ZBTB16: variants seen among roughly 807,000 people sequenced by gnomAD.
The protein encoded by ZBTB16 is zinc finger and BTB domain-containing protein 16.
ZBTB16 carries 8 observed loss-of-function variants against 56.8 expected under a neutral mutation model. The ratio of observed to expected loss-of-function variants is 0.14; its 90% CI spans 0.08 to 0.25. The LOEUF (loss-of-function observed/expected upper bound fraction) is 0.25, where lower values mean the gene tolerates loss of function less well. Among genes scored for constraint, ZBTB16 ranks in the 10% least tolerant of loss-of-function variants. ZBTB16 has a pLI of 1.00. For missense variants in ZBTB16, 625 were observed against 903.0 expected (o/e 0.69, Z 3.95); for synonymous variants, 363 against 368.5 (o/e 0.98, Z 0.17).
intron 2 of ZBTB16, among the ~76,000 whole-genome samples, chr11:114,126,022 C>T (rs1311104365): frequency 6.6e-6 from 1 of 152,132 alleles, no homozygotes; most frequent in Non-Finnish European, 1.5e-5. Context: ...TTCTGGAGTA[C>T]ATTGGGAAGC....
intron 4 of ZBTB16, among the ~76,000 whole-genome samples, chr11:114,214,727 G>A (rs1342199034): frequency 1.3e-5 from 2 of 152,056 alleles, no homozygotes; most frequent in African/African-American, 2.4e-5. Flanking sequence ...CTTTAGCCTC[G>A]TGAGTAGCTG....
intron 2 of ZBTB16, among the ~76,000 whole-genome samples, chr11:114,104,723 C>T (rs1003669207): frequency 2.6e-5 from 4 of 152,318 alleles, no homozygotes; most frequent in South Asian, 2.1e-4. Flanking sequence ...AAATAGGAAA[C>T]ATCATTGTAG....
chr11:114,213,822 C>A (rs931357123), intron 4 of ZBTB16, among the ~76,000 whole-genome samples: 1 of 152,172 alleles, frequency 6.6e-6, no homozygotes, highest in African/African-American at 2.4e-5. Flanking sequence ...ATGAAACAGG[C>A]ACAGAGGAGT....
rs34864436 is a variant in ZBTB16, at chr11:114,233,125, A to ACT, written c.1454-9030_1454-9029dup. 8.3e-3 allele frequency among the ~76,000 whole-genome samples: 456 copies of ACT among 54,716 alleles called. 13 individuals are homozygous for ACT. The highest frequency in any genetic ancestry group is 0.019 in the African/African-American group (373 of 19,414). 35.9% of individuals were successfully genotyped at this position (54,716 alleles called of 152,430 possible). ...CACACACACACACACACACACACAC[A>ACT]CTCTCTCTCTCTCACACTCCCTTTC... On this transcript the variant is annotated intron_variant, in intron 4 of 6. Coordinates refer to ENST00000335953, the MANE Select transcript of ZBTB16 (RefSeq NM_006006.6).
intron 2 of ZBTB16, among the ~76,000 whole-genome samples, chr11:114,066,471 A>G (rs1220871780): frequency 6.6e-6 from 1 of 152,124 alleles, no homozygotes; most frequent in Admixed American, 6.5e-5. Flanking sequence ...ATCTTTCCGG[A>G]TGTGAATTAT....
intron 5 of ZBTB16, among the ~76,000 whole-genome samples, chr11:114,246,322 A>G (rs1466364711): frequency 2.0e-5 from 3 of 152,208 alleles, no homozygotes; most frequent in Non-Finnish European, 4.4e-5. Flanking sequence ...CTCTAGAGCC[A>G]GACCCAAACC....
intron 2 of ZBTB16, among the ~76,000 whole-genome samples, chr11:114,116,677 G>T (rs186664821): frequency 4.1e-4 from 63 of 152,300 alleles, no homozygotes; most frequent in Non-Finnish European, 7.6e-4. Context: ...TGCGTTCCTA[G>T]CTCTTAATTT....
chr11:114,175,566 C>T (rs1450385790), intron 3 of ZBTB16, among the ~76,000 whole-genome samples: 1 of 152,026 alleles, frequency 6.6e-6, no homozygotes, highest in East Asian at 1.9e-4. Context: ...AATGATTCTC[C>T]TGCCTCAGCC....
chr11:114,150,354 T>A (rs1274467160), intron 2 of ZBTB16, among the ~76,000 whole-genome samples: 2 of 152,136 alleles, frequency 1.3e-5, no homozygotes, highest in Non-Finnish European at 2.9e-5. Context: ...GGAGAGCTAG[T>A]CTGGGCGTGG....
intron 2 of ZBTB16, among the ~76,000 whole-genome samples, chr11:114,076,564 A>T (rs547006352): frequency 1.4e-4 from 21 of 152,190 alleles, no homozygotes; most frequent in Non-Finnish European, 2.8e-4. Flanking sequence ...GTTGTCCCCT[A>T]AATGATCTGC....
intron 4 of ZBTB16, among the ~76,000 whole-genome samples, chr11:114,201,716 T>C (rs1197702081): frequency 1.3e-5 from 2 of 152,206 alleles, no homozygotes; most frequent in Non-Finnish European, 2.9e-5. Flanking sequence ...CCATTTCATA[T>C]AAAATACTAA....
chr11:114,213,716 A>T (rs1944040103), intron 4 of ZBTB16, among the ~76,000 whole-genome samples: 2 of 152,358 alleles, frequency 1.3e-5, no homozygotes, highest in South Asian at 4.1e-4. Context: ...GCTTTAAGCT[A>T]AGTAGTATTA....
intron 4 of ZBTB16, among the ~76,000 whole-genome samples, chr11:114,200,507 G>C (rs1310178031): frequency 1.3e-5 from 2 of 152,144 alleles, no homozygotes; most frequent in African/African-American, 4.8e-5. Flanking sequence ...CACTAAGGGG[G>C]GCTTCACTGT....
rs908524450 is a variant in ZBTB16 at position 114,059,959 on chromosome 11, G to A, written c.-91+77G>A. 41 of 394,418 alleles carry A rather than the reference G, an allele frequency of 1.0e-4. No homozygotes were observed. In the South Asian group the frequency reaches 3.4e-3, roughly 32 times the overall value. 24.4% of individuals were successfully genotyped at this position (394,418 alleles called of 1,614,324 possible). ...GGGCTTCCCGGGGCTGGAGAGGTCTGGGGGGCGCGCGCTCGCTTCGGCCAC... is the reference window on the plus strand; with the variant it reads ...GGGCTTCCCGGGGCTGGAGAGGTCTAGGGGGCGCGCGCTCGCTTCGGCCAC... On this transcript the variant is annotated intron_variant, in intron 1 of 6. Transcript: ENST00000335953. The surrounding 1 kb of genome is among the most constrained non-coding windows in gnomAD (Gnocchi z 5.3).
chr11:114,064,045 G>C lies in ZBTB16; in HGVS notation c.745G>C (p.Asp249His). 1 of 1,613,404 alleles carries C rather than the reference G, an allele frequency of 6.2e-7. No individual in the cohort carries two copies. Among genetic ancestry groups the C allele is most frequent in the South Asian group, 1.1e-5 (1 of 91,050 alleles). The change falls in exon 2 of 7, where the codon GAT (aspartate) becomes CAT (histidine). Residue 249 changes from aspartate (D) to histidine (H), a missense_variant. Transcript: ENST00000335953. The surrounding 1 kb of genome is among the most constrained non-coding windows in gnomAD (Gnocchi z 4.2). ...AEVKTEMMQV[D>H]EVPSQDSPGA... ...GGTGAAGACGGAGATGATGCAGGTG[G>C]ATGAGGTGCCCAGCCAGGACAGCCC... is the stretch of plus-strand genomic sequence containing the variant.
At chr11:114,166,167 A>G (rs777906898) in intron 3 of ZBTB16, among the ~76,000 whole-genome samples, 17 of 151,392 alleles carry the variant, frequency 1.1e-4, no homozygotes, top group Non-Finnish European at 2.1e-4. Context: ...TGGGGCATAG[A>G]ACTGCAAGTA....
intron 4 of ZBTB16, among the ~76,000 whole-genome samples, chr11:114,202,060 A>G (rs1214988724): frequency 6.6e-6 from 1 of 151,990 alleles, no homozygotes; most frequent in Non-Finnish European, 1.5e-5. Flanking sequence ...CTGTTAGAAC[A>G]GATAAATGCC....
At chr11:114,141,960 A>G (rs1941959056) in intron 2 of ZBTB16, among the ~76,000 whole-genome samples, 1 of 152,212 alleles carries the variant, frequency 6.6e-6, no homozygotes, top group South Asian at 2.1e-4. Context: ...AATATCATCT[A>G]AACGTTGTTG....
At chr11:114,193,744 C>A (rs980382979) in intron 4 of ZBTB16, among the ~76,000 whole-genome samples, 1 of 152,014 alleles carries the variant, frequency 6.6e-6, no homozygotes, top group Admixed American at 6.6e-5. Context: ...CGTTGGGAAG[C>A]CAACGGGAGA....
Sources: gnomAD v4.1 joint callset for allele counts (sites outside exome capture counted in the v4.1 genomes callset) on GRCh38, gnomAD v4.1.1 for gene constraint, Gnocchi (gnomAD v3.1) non-coding constraint, MANE v1.5 for transcripts, NCBI Gene and HGNC (gene_info 2026-07-23, HGNC 2026-07-21) for gene names.